ARHGEF3: variants seen among roughly 807,000 people sequenced by gnomAD.
ARHGEF3 encodes Rho guanine nucleotide exchange factor 3.
Under a neutral mutation model 63.2 loss-of-function variants are expected in ARHGEF3, and 28 were observed. That is an observed-to-expected ratio of 0.44 (90% confidence interval 0.33 to 0.61). ARHGEF3 has a LOEUF of 0.61. ARHGEF3 is among the 20% of genes least tolerant of loss of function. The pLI is 0.03. For missense variants in ARHGEF3, 533 were observed against 659.3 expected (o/e 0.81, Z 2.10); for synonymous variants, 266 against 254.2 (o/e 1.05, Z -0.44).
At chr3:56,977,521 GC>G in intron 2 of ARHGEF3, 5 of 339,264 alleles carry the variant, frequency 1.5e-5, no homozygotes, top group Non-Finnish European at 2.9e-5. Flanking sequence ...CCTTTTACCT[GC>G]CCCCAACTTG....
Position 56,801,936 on chromosome 3 carries a change from G to A in ARHGEF3, c.-138C>T, listed in dbSNP as rs1348978299. 6.5e-7 allele frequency: 1 copy of A among 1,537,348 alleles called. No individual in the cohort carries two copies. The highest frequency in any genetic ancestry group is 8.7e-7 in the Non-Finnish European group (1 of 1,145,620). On this transcript the variant is annotated 5_prime_UTR_variant, in exon 1 of 10. Coordinates refer to ENST00000296315, the MANE Select transcript of ARHGEF3 (RefSeq NM_019555.3). ...GAGACCGACAGCCGGCTTCTAGCCG[G>A]GCAGGACTCGACTGGGCTCCGGAGC...
chr3:56,883,865 C>T lies in ARHGEF3; in HGVS notation c.130-1511G>A, dbSNP rs1038018472. On this transcript the variant is annotated intron_variant, in intron 3 of 12. Transcript: ENST00000338458. ...AGTCAGCCTCCTCCTCTAGTGGAACCCTGAGCTTGAACAAAGGCAGAGACT... is the reference window on the plus strand; with the variant it reads ...AGTCAGCCTCCTCCTCTAGTGGAACTCTGAGCTTGAACAAAGGCAGAGACT... 2.6e-5 allele frequency among the ~76,000 whole-genome samples: 4 copies of T among 152,256 alleles called. No individual in the cohort carries two copies. The South Asian group carries it at 6.2e-4, about 24-fold the overall frequency.
chr3:56,797,273 A>G (rs2037418012), intron 1 of ARHGEF3, among the ~76,000 whole-genome samples: 2 of 152,314 alleles, frequency 1.3e-5, no homozygotes, highest in Middle Eastern at 3.4e-3. Context: ...AAATGTACAC[A>G]TGTAAAGTCA....
At chr3:56,757,761 C>T (rs536340180) in intron 2 of ARHGEF3, among the ~76,000 whole-genome samples, 2 of 150,822 alleles carry the variant, frequency 1.3e-5, no homozygotes, top group African/African-American at 2.4e-5. Context: ...CTTGCTCTGT[C>T]GCCCAGGCTG....
chr3:56,734,898 T>A (rs889502737), intron 8 of ARHGEF3, among the ~76,000 whole-genome samples: 18 of 152,214 alleles, frequency 1.2e-4, no homozygotes, highest in African/African-American at 4.3e-4. Context: ...TGTTTTAATG[T>A]ACAGTATTTG....
chr3:57,000,309 C>CA (rs1553801845), intron 2 of ARHGEF3, among the ~76,000 whole-genome samples: 51,635 of 106,450 alleles, frequency 0.49, 9,336 homozygotes, highest in Middle Eastern at 0.53. Context: ...GAGGGTAACT[C>CA]CCACACACAC....
intron 2 of ARHGEF3, among the ~76,000 whole-genome samples, chr3:56,769,976 A>G (rs2035918239): frequency 6.6e-6 from 1 of 152,196 alleles, no homozygotes; most frequent in South Asian, 2.1e-4. Flanking sequence ...GGGGCAGCTG[A>G]TACACTCTTT....
chr3:56,765,945 C>G (rs1309678326), intron 2 of ARHGEF3, among the ~76,000 whole-genome samples: 2 of 150,690 alleles, frequency 1.3e-5, no homozygotes, highest in Non-Finnish European at 3.0e-5. Context: ...GAGGAGAACA[C>G]AAAATAAACA....
chr3:56,858,343 T>C (rs1163210212), intron 4 of ARHGEF3, among the ~76,000 whole-genome samples: 4 of 152,104 alleles, frequency 2.6e-5, no homozygotes, highest in African/African-American at 7.2e-5. Flanking sequence ...GCTGAGTACA[T>C]TTTTCCAGGT....
chr3:56,810,984 G>C (rs1439819789), intron 4 of ARHGEF3, among the ~76,000 whole-genome samples: 2 of 152,300 alleles, frequency 1.3e-5, no homozygotes, highest in South Asian at 4.1e-4. Flanking sequence ...AGGTGCACAG[G>C]GGGTAATTAG....
At chr3:57,073,781 C>T (rs755036587) in intron 1 of ARHGEF3, 13 of 1,614,100 alleles carry the variant, frequency 8.1e-6, no homozygotes, top group Non-Finnish European at 1.1e-5. Flanking sequence ...CTTCCAGACT[C>T]GTTCCATGGC....
chr3:57,028,752 G>A (rs1473755308), intron 2 of ARHGEF3, among the ~76,000 whole-genome samples: 2 of 113,698 alleles, frequency 1.8e-5, no homozygotes, highest in Non-Finnish European at 3.8e-5. Context: ...TCTGTAAAAC[G>A]GGGTGAACAA....
intron 2 of ARHGEF3, among the ~76,000 whole-genome samples, chr3:57,011,056 C>T (rs1180832026): frequency 6.6e-6 from 1 of 152,168 alleles, no homozygotes; most frequent in Non-Finnish European, 1.5e-5. Flanking sequence ...ATGCTCCCGC[C>T]CGCTTCCATA....
At chr3:56,799,800 G>A (rs1446447928) in intron 1 of ARHGEF3, among the ~76,000 whole-genome samples, 1 of 152,122 alleles carries the variant, frequency 6.6e-6, no homozygotes, top group East Asian at 1.9e-4. Context: ...CATCGATGAA[G>A]CTAAAAGATA....
At chr3:56,919,193 T>C (rs1283108152) in intron 3 of ARHGEF3, among the ~76,000 whole-genome samples, 1 of 152,212 alleles carries the variant, frequency 6.6e-6, no homozygotes, top group African/African-American at 2.4e-5. Context: ...AGCCTGAAAT[T>C]CAGGGTTTTA....
At chr3:57,020,798 T>C (rs1200658131) in intron 2 of ARHGEF3, among the ~76,000 whole-genome samples, 1 of 152,244 alleles carries the variant, frequency 6.6e-6, no homozygotes, top group African/African-American at 2.4e-5. Context: ...CTGTGGGCCA[T>C]TACATTCCCT....
chr3:57,029,422 T>C (rs1579124382), intron 2 of ARHGEF3, among the ~76,000 whole-genome samples: 1 of 142,908 alleles, frequency 7.0e-6, no homozygotes, highest in Non-Finnish European at 1.5e-5. Flanking sequence ...AGAGCGAAAC[T>C]CCGTCTCAAA....
At chr3:56,779,440 G>A (rs1373623949) in intron 1 of ARHGEF3, among the ~76,000 whole-genome samples, 1 of 152,042 alleles carries the variant, frequency 6.6e-6, no homozygotes, top group Non-Finnish European at 1.5e-5. Flanking sequence ...CATGTATTTG[G>A]TACATGCCTG....
chr3:56,967,650 TAAA>T (rs1700613266), intron 2 of ARHGEF3, among the ~76,000 whole-genome samples: 1 of 91,482 alleles, frequency 1.1e-5, no homozygotes, highest in Non-Finnish European at 1.9e-5. Flanking sequence ...ATATAATATA[TAAA>T]ATAGCTATTA....
Sources: gnomAD v4.1 joint callset for allele counts (sites outside exome capture counted in the v4.1 genomes callset) on GRCh38, gnomAD v4.1.1 for gene constraint, MANE v1.5 for transcripts, NCBI Gene and HGNC (gene_info 2026-07-23, HGNC 2026-07-21) for gene names.